WDR33: variants seen among roughly 807,000 people sequenced by gnomAD.
The protein encoded by WDR33 is WD repeat domain 33.
In WDR33, 47 loss-of-function variants were observed where a neutral mutation model predicts 164.9. The observed-to-expected ratio is 0.29, with a 90% CI of 0.23 to 0.36. WDR33 has a LOEUF of 0.36. Ranked by LOEUF, WDR33 falls within the 10% of genes least tolerant of loss-of-function variation. The pLI, the probability that WDR33 is intolerant of heterozygous loss-of-function variation, is 1.00. For missense variants in WDR33, 1,137 were observed against 1,754.1 expected, an observed-to-expected ratio of 0.65 and a Z score of 6.28; for synonymous variants, 505 against 589.0, an observed-to-expected ratio of 0.86 and a Z score of 2.06.
intron 4 of WDR33, among the ~76,000 whole-genome samples, chr2:127,766,144 T>C (rs1319081752): frequency 1.6e-4 from 25 of 152,160 alleles, no homozygotes; most frequent in Admixed American, 1.6e-3. Flanking sequence ...ATTTGAAACA[T>C]TCAAATTTTT....
chr2:127,719,851 G>C lies in WDR33; in HGVS notation c.2174C>G (p.Pro725Arg). Residue 725 changes from proline to arginine, a missense_variant, in exon 16 of 22, where the codon CCT becomes CGT. Pro to Arg is a moderately radical substitution (Grantham distance 103). Around this residue, in one of 9 missense-constraint regions of WDR33, gnomAD observed 867 missense variants for 1,073.0 expected, o/e 0.81. Coordinates refer to ENST00000322313, the MANE Select transcript of WDR33 (RefSeq NM_018383.5). The surrounding 1 kb of genome is among the most constrained non-coding windows in gnomAD (Gnocchi z 6.5). ...CCCCTGTGGGCCCAAGTGACCCTGA[G>C]GGCCAGGCGGGCCTTGGGGGCCTAT... Reference protein sequence around the residue: ...GHIGPQGPPGPQGHLGPQGPP... With the variant: ...GHIGPQGPPGRQGHLGPQGPP... 1 of 1,613,648 alleles carries C rather than the reference G, an allele frequency of 6.2e-7. No individual in the cohort carries two copies. Among genetic ancestry groups the C allele is most frequent in the South Asian group, 1.1e-5 (1 of 91,076 alleles).
intron 7 of WDR33, chr2:127,737,686 G>C: frequency 9.4e-7 from 1 of 1,067,824 alleles, no homozygotes; most frequent in Non-Finnish European, 1.1e-6. Flanking sequence ...AGAAAACGCA[G>C]AACCAAGAAG....
chr2:127,792,950 T>C (rs193109106), intron 1 of WDR33, among the ~76,000 whole-genome samples: 1 of 152,130 alleles, frequency 6.6e-6, no homozygotes, highest in South Asian at 2.1e-4. Flanking sequence ...AACACACTCA[T>C]AGAGAGATAC....
At chr2:127,772,614 CAAA>C (rs1558948122) in intron 1 of WDR33, among the ~76,000 whole-genome samples, 1 of 151,798 alleles carries the variant, frequency 6.6e-6, no homozygotes, top group Admixed American at 6.6e-5. Flanking sequence ...CTATAATGAA[CAAA>C]AAAAGTACGT....
chr2:127,790,803 A>C (rs13387818), intron 1 of WDR33, among the ~76,000 whole-genome samples: 3,235 of 152,122 alleles, frequency 0.021, 126 homozygotes, highest in African/African-American at 0.075. Context: ...TAGATATAGG[A>C]CTATTCAGGT....
In WDR33 at chr2:127,726,281, T is replaced by C. The variant is rs1427941419; in HGVS notation, c.851+370A>G. ...AAGAAAACCCTCTCGAAACAGATGTTGTGAGATGGAGAAGGCTGGGCCGTG... is the reference window on the plus strand; with the variant it reads ...AAGAAAACCCTCTCGAAACAGATGTCGTGAGATGGAGAAGGCTGGGCCGTG... On this transcript the variant is annotated intron_variant, in intron 8 of 21. Transcript: ENST00000322313. This position sits in a 1 kb window ranked among gnomAD's most constrained non-coding sequence, Gnocchi z 4.8. Among the ~76,000 whole-genome samples, 1 of 152,184 alleles carries C rather than the reference T, an allele frequency of 6.6e-6. No individual in the cohort carries two copies. Among genetic ancestry groups the C allele is most frequent in the African/African-American group, 2.4e-5 (1 of 41,440 alleles).
In WDR33 at chr2:127,709,621, C is replaced by G; in HGVS notation, c.3473-39G>C. On this transcript the variant is annotated intron_variant, in intron 19 of 21. Transcript: ENST00000322313. This position sits in a 1 kb window ranked among gnomAD's most constrained non-coding sequence, Gnocchi z 5.0. ...CAAACAATGCTGCACTCAGACTGTT[C>G]CTGGTGTATTCACAACCAGTGTATT... 4 of 1,612,418 alleles carry G rather than the reference C, an allele frequency of 2.5e-6. No individual in the cohort carries two copies. The highest frequency in any genetic ancestry group is 3.4e-6 in the Non-Finnish European group (4 of 1,178,486).
Position 127,731,307 on chromosome 2 carries a change from A to C in WDR33, c.725-4530T>G, listed in dbSNP as rs954325020. On this transcript the variant is annotated intron_variant, in intron 7 of 21. Coordinates refer to ENST00000322313, the MANE Select transcript of WDR33 (RefSeq NM_018383.5). ...AAGACCCTGCCTCAAAAAAAAAAAA[A>C]AAAAAAAAAAACACAGAAAAGCAAA... Among the ~76,000 whole-genome samples the C allele has an allele frequency of 5.9e-5, 9 of 151,632 alleles. No homozygotes were observed. The South Asian group carries it at 6.2e-4, about 11-fold the overall frequency.
At chr2:127,749,377 T>A (rs955023112) in intron 7 of WDR33, among the ~76,000 whole-genome samples, 1 of 151,756 alleles carries the variant, frequency 6.6e-6, no homozygotes, top group Non-Finnish European at 1.5e-5. Flanking sequence ...AGAAACACCA[T>A]AAGGGCAGGT....
chr2:127,735,981 T>C lies in WDR33; in HGVS notation c.725-9204A>G. Reference sequence around the variant, plus strand: ...GGGGTATGCCTAGGCAGGGCAGTGTTTTCACAATGTATGTTCCAACAATAC... The same window carrying C: ...GGGGTATGCCTAGGCAGGGCAGTGTCTTCACAATGTATGTTCCAACAATAC... On this transcript the variant is annotated intron_variant, in intron 7 of 21. Coordinates refer to ENST00000322313, the MANE Select transcript of WDR33 (RefSeq NM_018383.5). This position sits in a 1 kb window ranked among gnomAD's most constrained non-coding sequence, Gnocchi z 4.3. The C allele has an allele frequency of 1.0e-6, 1 of 985,418 alleles. No individual in the cohort carries two copies. The highest frequency in any genetic ancestry group is 1.2e-6 in the Non-Finnish European group (1 of 829,934). 61.0% of individuals were successfully genotyped at this position (985,418 alleles called of 1,614,324 possible).
Position 127,726,924 on chromosome 2 carries a change from T to C in WDR33, c.725-147A>G, listed in dbSNP as rs1686584910. On this transcript the variant is annotated intron_variant, in intron 7 of 21. Coordinates refer to ENST00000322313, the MANE Select transcript of WDR33 (RefSeq NM_018383.5). The surrounding 1 kb of genome is among the most constrained non-coding windows in gnomAD (Gnocchi z 4.8). ...TTGTGAAGACTCTTTGGCCTCTGTG[T>C]GTCTGGAAATTTTTCAGATACAGTA... 3 of 1,020,228 alleles carry C rather than the reference T, an allele frequency of 2.9e-6. 1 individual carries two copies. In the Admixed American group the frequency reaches 7.7e-5, roughly 26 times the overall value. 63.2% of individuals were successfully genotyped at this position (1,020,228 alleles called of 1,614,324 possible). A position where few individuals can be genotyped will look rare whatever the true frequency, so the allele number is the denominator to read the frequency against.
chr2:127,742,284 T>G (rs1687039127), intron 7 of WDR33, among the ~76,000 whole-genome samples: 1 of 152,026 alleles, frequency 6.6e-6, no homozygotes, highest in African/African-American at 2.4e-5. Context: ...TCCCAGGACC[T>G]TGGGAGGCCA....
chr2:127,706,468 T>A lies in WDR33; in HGVS notation c.3866A>T (p.His1289Leu). Residue 1289 changes from histidine (H) to leucine (L), a missense_variant, in exon 22 of 22, where the codon CAC becomes CTC. By Grantham distance (99) the His-to-Leu change is moderately conservative. Around this residue, in one of 9 missense-constraint regions of WDR33, gnomAD observed 867 missense variants for 1,073.0 expected, o/e 0.81. Coordinates refer to ENST00000322313, the MANE Select transcript of WDR33 (RefSeq NM_018383.5). The surrounding 1 kb of genome is among the most constrained non-coding windows in gnomAD (Gnocchi z 5.1). ...SLDGEHHDGY[H>L]RDEPFGGPPG... is the part of the protein sequence containing the mutation. ...AGGGCCCCCAAAAGGTTCATCTCTG[T>A]GGTATCCATCGTGGTGCTCTCCGTC... The A allele has an allele frequency of 6.2e-7, 1 of 1,613,568 alleles. No homozygotes were observed. The highest frequency in any genetic ancestry group is 1.1e-5 in the South Asian group (1 of 90,912).
rs187533321 is a variant in WDR33, at chr2:127,772,972, A to C, written c.-23-1968T>G. Among the ~76,000 whole-genome samples the C allele has an allele frequency of 4.9e-3, 748 of 151,964 alleles. 1 individual carries two copies. Among genetic ancestry groups the C allele is most frequent in the Non-Finnish European group, 7.9e-3 (537 of 67,960 alleles). On this transcript the variant is annotated intron_variant, in intron 1 of 21. Coordinates refer to ENST00000322313, the MANE Select transcript of WDR33 (RefSeq NM_018383.5). ...ACTCCATCTCTACAAAAAAAAAAAA[A>C]AAAAATTGTTTTAATTAGCCCAGTG...
chr2:127,704,748 C>G lies in WDR33; in HGVS notation c.*1575G>C, dbSNP rs1337143724. On this transcript the variant is annotated 3_prime_UTR_variant, in exon 22 of 22. Transcript: ENST00000322313. Reference sequence around the variant, plus strand: ...AGAGAACCAGTTAAATTTTCATATCCTGTTAAACTATATCAGTATGCCTTT... The same window carrying G: ...AGAGAACCAGTTAAATTTTCATATCGTGTTAAACTATATCAGTATGCCTTT... 1.8e-5 allele frequency: 3 copies of G among 167,034 alleles called. No homozygotes were observed. In the East Asian group the frequency reaches 5.8e-4, roughly 32 times the overall value. The allele number at this position is 167,034 out of a possible 1,614,324, so 10.3% of individuals were successfully genotyped here. A position where few individuals can be genotyped will look rare whatever the true frequency, so the allele number is the denominator to read the frequency against.
In WDR33 at chr2:127,718,143, T is replaced by C. The variant is rs1258159201; in HGVS notation, c.2761-880A>G. On this transcript the variant is annotated intron_variant, in intron 16 of 21. Transcript: ENST00000322313. This position sits in a 1 kb window ranked among gnomAD's most constrained non-coding sequence, Gnocchi z 4.4. ...CCATGACTACGACACTTTTAGGTTCTGGAAGACCTACTTTAGAATAGTAGA... is the reference window on the plus strand; with the variant it reads ...CCATGACTACGACACTTTTAGGTTCCGGAAGACCTACTTTAGAATAGTAGA... Among the ~76,000 whole-genome samples, 1 of 152,240 alleles carries C rather than the reference T, an allele frequency of 6.6e-6. No individual in the cohort carries two copies. Among genetic ancestry groups the C allele is most frequent in the Non-Finnish European group, 1.5e-5 (1 of 68,044 alleles).
In WDR33 at chr2:127,714,100, T is replaced by A; in HGVS notation, c.2870-79A>T. 1 of 1,349,386 alleles carries A rather than the reference T, an allele frequency of 7.4e-7. No homozygotes were observed. The highest frequency in any genetic ancestry group is 9.7e-7 in the Non-Finnish European group (1 of 1,026,012). 83.6% of individuals were successfully genotyped at this position (1,349,386 alleles called of 1,614,324 possible). On this transcript the variant is annotated intron_variant, in intron 17 of 21. Transcript: ENST00000322313. The surrounding 1 kb of genome is among the most constrained non-coding windows in gnomAD (Gnocchi z 4.3). ...AGGTCTGATCTGTAGCATCTCTACA[T>A]TTCAGAATACATTCTTTATTGAGAA...
chr2:127,769,446 CA>C (rs574386866), intron 2 of WDR33, among the ~76,000 whole-genome samples: 2 of 148,298 alleles, frequency 1.3e-5, no homozygotes, highest in Non-Finnish European at 3.0e-5. Flanking sequence ...AACAAACAAA[CA>C]AAAAAAAAAC....
chr2:127,788,332 G>T (rs1688686920), intron 1 of WDR33, among the ~76,000 whole-genome samples: 1 of 118,050 alleles, frequency 8.5e-6, no homozygotes, highest in Non-Finnish European at 1.8e-5. Context: ...GGGGCGGCTG[G>T]CCGGGCAGAG....
Sources: allele counts gnomAD v4.1 joint callset (sites outside exome capture counted in the v4.1 genomes callset), GRCh38; gene constraint gnomAD v4.1.1; regional missense constraint gnomAD v4.1.1; non-coding constraint Gnocchi (gnomAD v3.1); transcripts MANE v1.5; gene names NCBI Gene and HGNC (gene_info 2026-07-23, HGNC 2026-07-21).